The following MARCHF1 variants were observed in gnomAD, a reference collection of about 807,000 sequenced individuals.
MARCHF1 encodes membrane associated ring-CH-type finger 1, also known as E3 ubiquitin-protein ligase MARCHF1.
A neutral mutation model predicts 54.2 loss-of-function variants in MARCHF1; 40 were observed. The observed-to-expected ratio is 0.74, with a 90% CI of 0.57 to 0.96. The LOEUF (loss-of-function observed/expected upper bound fraction) is 0.96. MARCHF1 is among the 40% of genes least tolerant of loss of function. The pLI, the probability that MARCHF1 is intolerant of heterozygous loss-of-function variation, is 0.00. For synonymous variants in MARCHF1, 236 were observed against 236.3 expected, an observed-to-expected ratio of 1.00 and a Z score of 0.01; for missense variants, 586 against 656.5, an observed-to-expected ratio of 0.89 and a Z score of 1.17.
intron 1 of MARCHF1, among the ~76,000 whole-genome samples, chr4:164,126,019 T>C (rs191268816): frequency 9.2e-5 from 14 of 152,324 alleles, no homozygotes; most frequent in Non-Finnish European, 1.8e-4. Flanking sequence ...GAGTTAATGT[T>C]GTAAGTTTGA....
intron 4 of MARCHF1, among the ~76,000 whole-genome samples, chr4:163,807,170 G>A (rs562738415): frequency 5.9e-5 from 9 of 152,250 alleles, no homozygotes; most frequent in African/African-American, 2.2e-4. Context: ...AGAGGAGCAC[G>A]GAAGTCTCCA....
intron 2 of MARCHF1, among the ~76,000 whole-genome samples, chr4:164,051,534 C>T (rs1466144742): frequency 6.6e-6 from 1 of 152,144 alleles, no homozygotes; most frequent in African/African-American, 2.4e-5. Context: ...CTTATAGTAA[C>T]TGGTAACATT....
intron 1 of MARCHF1, among the ~76,000 whole-genome samples, chr4:164,236,423 C>T (rs1732562447): frequency 6.6e-6 from 1 of 152,042 alleles, no homozygotes; most frequent in South Asian, 2.1e-4. Context: ...CACATAGCAG[C>T]CTTCTTGTGC....
At chr4:163,994,201 C>T (rs756269425) in intron 2 of MARCHF1, among the ~76,000 whole-genome samples, 2 of 151,166 alleles carry the variant, frequency 1.3e-5, no homozygotes, top group African/African-American at 4.9e-5. Flanking sequence ...TTACTGCTTG[C>T]CTCAGAATTG....
chr4:163,689,466 T>G (rs1380300466), intron 5 of MARCHF1, among the ~76,000 whole-genome samples: 1 of 152,244 alleles, frequency 6.6e-6, no homozygotes, highest in Admixed American at 6.5e-5. Context: ...TGGAAATCAC[T>G]AAGCACTTGT....
At chr4:164,049,652 C>CA (rs1418119506) in intron 2 of MARCHF1, among the ~76,000 whole-genome samples, 1 of 151,746 alleles carries the variant, frequency 6.6e-6, no homozygotes, top group African/African-American at 2.4e-5. Flanking sequence ...ATAAAATTGA[C>CA]AAAAAAAGCT....
chr4:163,984,314 A>G (rs1752819921), intron 3 of MARCHF1, among the ~76,000 whole-genome samples: 1 of 152,238 alleles, frequency 6.6e-6, no homozygotes, highest in Non-Finnish European at 1.5e-5. Context: ...ATATAAACAA[A>G]GGGGTTTGGT....
At chr4:163,562,879 C>G (rs1739517999) in intron 8 of MARCHF1, among the ~76,000 whole-genome samples, 1 of 152,192 alleles carries the variant, frequency 6.6e-6, no homozygotes, top group South Asian at 2.1e-4. Flanking sequence ...CTTTCTCCAG[C>G]GCATCCTTCA....
At chr4:163,736,362 A>G (rs1046568047) in intron 4 of MARCHF1, among the ~76,000 whole-genome samples, 1 of 152,184 alleles carries the variant, frequency 6.6e-6, no homozygotes, top group African/African-American at 2.4e-5. Flanking sequence ...CACTAGGAAA[A>G]GTGATGATTC....
At chr4:164,337,997 G>T (rs1207904771) in intron 1 of MARCHF1, among the ~76,000 whole-genome samples, 3 of 152,054 alleles carry the variant, frequency 2.0e-5, no homozygotes, top group Non-Finnish European at 4.4e-5. Context: ...TTAATATGTT[G>T]CTCTCACAGA....
intron 5 of MARCHF1, among the ~76,000 whole-genome samples, chr4:163,656,020 C>A (rs545418991): frequency 6.6e-6 from 1 of 151,292 alleles, no homozygotes; most frequent in Non-Finnish European, 1.5e-5. Context: ...AGCAAACAAA[C>A]CCCAAAGCTA....
At chr4:163,836,502 C>T in intron 4 of MARCHF1, among the ~76,000 whole-genome samples, 1 of 33,680 alleles carries the variant, frequency 3.0e-5, no homozygotes, top group Non-Finnish European at 1.1e-4. Flanking sequence ...GCCTCGGCCT[C>T]CCAAAGTGCT....
At chr4:163,973,251 C>T (rs1353242017) in intron 3 of MARCHF1, among the ~76,000 whole-genome samples, 2 of 152,190 alleles carry the variant, frequency 1.3e-5, no homozygotes, top group Admixed American at 6.5e-5. Context: ...TTATTTAGCT[C>T]ATGATACTTT....
intron 1 of MARCHF1, among the ~76,000 whole-genome samples, chr4:164,241,114 C>G (rs1732730768): frequency 1.3e-5 from 2 of 152,034 alleles, no homozygotes; most frequent in Non-Finnish European, 2.9e-5. Flanking sequence ...CACTGAGACC[C>G]ATGAATCGTA....
At chr4:163,648,441 T>C (rs1056046351) in intron 5 of MARCHF1, among the ~76,000 whole-genome samples, 1 of 138,704 alleles carries the variant, frequency 7.2e-6, no homozygotes, top group African/African-American at 2.5e-5. Context: ...TTTTAAGACA[T>C]ACTGACTGTT....
At position 164,000,479 on chromosome 4, in the gene MARCHF1, A is replaced by G. The variant is rs570491382; in HGVS notation, c.-247-11770T>C. On this transcript the variant is annotated intron_variant, in intron 2 of 9. Coordinates refer to ENST00000514618, the MANE Select transcript of MARCHF1 (RefSeq NM_001394959.1). ...ATTCAGTAGATTCAAATATATGAGAAAAGAGAAAGATTTAGAGAAAGAGAA... is the reference window on the plus strand; with the variant it reads ...ATTCAGTAGATTCAAATATATGAGAGAAGAGAAAGATTTAGAGAAAGAGAA... Among the ~76,000 whole-genome samples the G allele has an allele frequency of 2.6e-5, 4 of 151,814 alleles. No individual in the cohort carries two copies. In the South Asian group the frequency reaches 8.3e-4, roughly 31 times the overall value.
At chr4:164,256,822 T>C (rs1375636084) in intron 1 of MARCHF1, among the ~76,000 whole-genome samples, 1 of 152,286 alleles carries the variant, frequency 6.6e-6, no homozygotes. Context: ...GAACATAAAC[T>C]GGTACAGTCC....
chr4:163,745,282 T>G (rs546493471), intron 4 of MARCHF1, among the ~76,000 whole-genome samples: 2 of 152,078 alleles, frequency 1.3e-5, no homozygotes, highest in Non-Finnish European at 2.9e-5. Flanking sequence ...TGGCTATTTT[T>G]TTTTGTATTT....
intron 5 of MARCHF1, among the ~76,000 whole-genome samples, chr4:163,677,574 T>C (rs1445754954): frequency 1.3e-5 from 2 of 152,236 alleles, no homozygotes; most frequent in Non-Finnish European, 1.5e-5. Context: ...ATTCATGCTA[T>C]ATTTAATACC....
Sources: gnomAD v4.1 joint callset for allele counts (sites outside exome capture counted in the v4.1 genomes callset) on GRCh38, gnomAD v4.1.1 for gene constraint, MANE v1.5 for transcripts, NCBI Gene and HGNC (gene_info 2026-07-23, HGNC 2026-07-21) for gene names.